The following CCDC136 variants were observed in gnomAD, a reference collection of about 807,000 sequenced individuals.
CCDC136 encodes coiled-coil domain-containing protein 136.
In CCDC136, 100 loss-of-function variants were observed where a neutral mutation model predicts 141.2. The ratio of observed to expected loss-of-function variants is 0.71; its 90% CI spans 0.60 to 0.84. CCDC136 has a LOEUF of 0.84. Among genes scored for constraint, CCDC136 ranks in the 40% least tolerant of loss-of-function variants. The pLI, the probability that CCDC136 is intolerant of heterozygous loss-of-function variation, is 0.00. For synonymous variants in CCDC136, 474 were observed against 531.9 expected (o/e 0.89, Z 1.50); for missense variants, 1,206 against 1,379.4 (o/e 0.87, Z 1.99).
chr7:128,805,820 G>T lies in CCDC136; in HGVS notation c.1008G>T (p.Glu336Asp). The T allele has an allele frequency of 6.2e-7, 1 of 1,613,938 alleles. No homozygotes were observed. Among genetic ancestry groups the T allele is most frequent in the Non-Finnish European group, 8.5e-7 (1 of 1,179,862 alleles). ...AGCATCATCGCCAGGTCAGTGAGGA[G>T]GAGCAGAGGCGGCTGCAGAGGGAGC... ...ELQHHRQVSE[E>D]EQRRLQRELK... is the part of the protein sequence containing the mutation. The change falls in exon 7 of 18, where the codon GAG becomes GAT. Residue 336 changes from glutamate (E) to aspartate (D), a missense_variant. Glu to Asp is a conservative substitution (Grantham distance 45, BLOSUM62 2). Transcript: ENST00000297788. This position sits in a 1 kb window ranked among gnomAD's most constrained non-coding sequence, Gnocchi z 4.6.
At chr7:128,790,803 T>A (rs1010370712), upstream of CCDC136, 1 of 151,770 alleles carries the variant, frequency 6.6e-6, no homozygotes, top group African/African-American at 2.4e-5. The surrounding 1 kb of genome is among the most constrained non-coding windows in gnomAD (Gnocchi z 5.4). Flanking sequence ...GGAGGGCTCC[T>A]CCTAAGAGGG....
chr7:128,808,324 G>T, intron 10 of CCDC136: 1 of 340,478 alleles, frequency 2.9e-6, no homozygotes, highest in Non-Finnish European at 4.2e-6. Flanking sequence ...GGCATGAGCC[G>T]CCATGCCCTG....
rs1802265153 is a variant in CCDC136 at position 128,792,117 on chromosome 7, G to A, written c.-295G>A. ...CAAGCAAGAGGGTCCTGGAACAGCGGGTTCTGAGGAGGCTGGGAGGCAGGG... is the reference window on the plus strand; with the variant it reads ...CAAGCAAGAGGGTCCTGGAACAGCGAGTTCTGAGGAGGCTGGGAGGCAGGG... On this transcript the variant is annotated 5_prime_UTR_variant, in exon 1 of 18. Coordinates refer to ENST00000297788, the MANE Select transcript of CCDC136 (RefSeq NM_022742.5). 7 of 1,402,718 alleles carry A rather than the reference G, an allele frequency of 5.0e-6. No individual in the cohort carries two copies. The highest frequency in any genetic ancestry group is 3.1e-5 in the Admixed American group (1 of 32,742). The allele number at this position is 1,402,718 out of a possible 1,614,324, so 86.9% of individuals were successfully genotyped here.
In CCDC136 at chr7:128,794,692, A is replaced by C; in HGVS notation, c.272-2A>C. ...TTGACACTGGTGCCCCTCTCCCTGC[A>C]GGGCTCCTGGAGGATGAACGGCTAG... On this transcript the variant is annotated splice_acceptor_variant, in intron 2 of 17. Transcript: ENST00000297788. LOFTEE classifies it high-confidence loss of function. The surrounding 1 kb of genome is among the most constrained non-coding windows in gnomAD (Gnocchi z 4.3). 6.4e-7 allele frequency: 1 copy of C among 1,551,206 alleles called. No homozygotes were observed. The highest frequency in any genetic ancestry group is 8.7e-7 in the Non-Finnish European group (1 of 1,146,724).
In CCDC136 at chr7:128,805,363, CAGAG is replaced by C; in HGVS notation, c.790_793del (p.Arg264GlnfsTer11). ...CTCTGCGGTTCTGAATTGCAGGACA[CAGAG>C]AGCAACAGAGAGATGGCTGCAGTCC... On this transcript the variant is annotated frameshift_variant, in exon 6 of 18. Transcript: ENST00000297788. LOFTEE classifies it high-confidence loss of function. The surrounding 1 kb of genome is among the most constrained non-coding windows in gnomAD (Gnocchi z 4.6). The C allele has an allele frequency of 6.2e-7, 1 of 1,613,698 alleles. No individual in the cohort carries two copies. The highest frequency in any genetic ancestry group is 8.5e-7 in the Non-Finnish European group (1 of 1,179,770).
upstream of CCDC136, chr7:128,791,900 A>C: frequency 2.0e-6 from 1 of 489,496 alleles, no homozygotes. The surrounding 1 kb of genome is among the most constrained non-coding windows in gnomAD (Gnocchi z 7.1). Context: ...CAGCGAGAGA[A>C]TGGGAGGAGA....
rs998943869 is a variant in CCDC136, at chr7:128,817,030, G to T, written c.3364-728G>T. 6.6e-6 allele frequency among the ~76,000 whole-genome samples: 1 copy of T among 152,180 alleles called. No individual in the cohort carries two copies. The highest frequency in any genetic ancestry group is 2.4e-5 in the African/African-American group (1 of 41,430). On this transcript the variant is annotated intron_variant, in intron 16 of 17. Coordinates refer to ENST00000297788, the MANE Select transcript of CCDC136 (RefSeq NM_022742.5). The surrounding 1 kb of genome is among the most constrained non-coding windows in gnomAD (Gnocchi z 4.6). ...AGCTCATCATATTCCACCACGTGCTGGTTCAGAGCCTCACAGATGTCTTTA... is the reference window on the plus strand; with the variant it reads ...AGCTCATCATATTCCACCACGTGCTTGTTCAGAGCCTCACAGATGTCTTTA...
rs1802618259 is a variant in CCDC136 at position 128,794,266 on chromosome 7, G to C, written c.17-82G>C. On this transcript the variant is annotated intron_variant, in intron 1 of 17. Transcript: ENST00000297788. This position sits in a 1 kb window ranked among gnomAD's most constrained non-coding sequence, Gnocchi z 4.3. ...GCACTAGTATGTCATCTCTGCCCTG[G>C]CATAGTGAGTTTGAGGGCCCTGGAA... 6.5e-7 allele frequency: 1 copy of C among 1,543,386 alleles called. No individual in the cohort carries two copies. The highest frequency in any genetic ancestry group is 1.4e-5 in the African/African-American group (1 of 72,964).
At position 128,792,202 on chromosome 7, in the gene CCDC136, C is replaced by T; in HGVS notation, c.-210C>T. 1 of 1,481,534 alleles carries T rather than the reference C, an allele frequency of 6.7e-7. No homozygotes were observed. The highest frequency in any genetic ancestry group is 8.9e-7 in the Non-Finnish European group (1 of 1,122,082). The allele number at this position is 1,481,534 out of a possible 1,614,324, so 91.8% of individuals were successfully genotyped here. A position where few individuals can be genotyped will look rare whatever the true frequency, so the allele number is the denominator to read the frequency against. ...CGCCAGAGTGAGTCAGGCACCTCCA[C>T]TGGGATTACAGATCCCAGAGCCTCG... On this transcript the variant is annotated 5_prime_UTR_variant, in exon 1 of 18. Coordinates refer to ENST00000297788, the MANE Select transcript of CCDC136 (RefSeq NM_022742.5).
intron 14 of CCDC136, among the ~76,000 whole-genome samples, chr7:128,813,223 ATCT>A (rs1189803932): frequency 3.9e-5 from 6 of 152,134 alleles, no homozygotes; most frequent in African/African-American, 9.7e-5. Flanking sequence ...GCATTTGCCA[ATCT>A]TCTTTCATCA....
intron 16 of CCDC136, among the ~76,000 whole-genome samples, chr7:128,816,393 G>A (rs1371822319): frequency 6.6e-6 from 1 of 152,186 alleles, no homozygotes; most frequent in Non-Finnish European, 1.5e-5. Context: ...TGTTAGGGGT[G>A]TGTCAGGGGA....
In CCDC136 at chr7:128,814,781, GAAGAGGCCTTCTGTTGTCA is replaced by G. The variant is rs769773017; in HGVS notation, c.2912_2930del (p.Arg971LysfsTer11). 16 of 1,613,396 alleles carry G rather than the reference GAAGAGGCCTTCTGTTGTCA, an allele frequency of 9.9e-6. No individual in the cohort carries two copies. Among genetic ancestry groups the G allele is most frequent in the Non-Finnish European group, 1.4e-5 (16 of 1,179,612 alleles). Reference sequence around the variant, plus strand: ...AGGAGGAGCTCCGCCAGCTCAGGGAGAAGAGGCCTTCTGTTGTCAAAGAAGCCCGGGGGAAGAATGCTAA... The same window carrying G: ...AGGAGGAGCTCCGCCAGCTCAGGGAGAAGAAGCCCGGGGGAAGAATGCTAA... On this transcript the variant is annotated frameshift_variant, in exon 15 of 18. Coordinates refer to ENST00000297788, the MANE Select transcript of CCDC136 (RefSeq NM_022742.5). LOFTEE classifies it high-confidence loss of function.
In CCDC136 at chr7:128,822,013, C is replaced by T. The variant is rs1156916561; in HGVS notation, c.*220C>T. 2 of 1,241,936 alleles carry T rather than the reference C, an allele frequency of 1.6e-6. No individual in the cohort carries two copies. Among genetic ancestry groups the T allele is most frequent in the African/African-American group, 1.5e-5 (1 of 64,786 alleles). The allele number at this position is 1,241,936 out of a possible 1,614,324, so 76.9% of individuals were successfully genotyped here. A position where few individuals can be genotyped will look rare whatever the true frequency, so the allele number is the denominator to read the frequency against. On this transcript the variant is annotated 3_prime_UTR_variant, in exon 18 of 18. Transcript: ENST00000297788. Reference sequence around the variant, plus strand: ...ACCCTCCCCATATGTTCCATGTGTCCCCATCTCCTCAGCCTCAGTCACCCA... The same window carrying T: ...ACCCTCCCCATATGTTCCATGTGTCTCCATCTCCTCAGCCTCAGTCACCCA...
In CCDC136 at chr7:128,797,921, A is replaced by ATTT. The variant is rs758979251; in HGVS notation, c.346+3165_346+3167dup. On this transcript the variant is annotated intron_variant, in intron 3 of 17. Transcript: ENST00000297788. ...GAACTACCTGGGAAAATAGGGTTCT[A>ATTT]TTTTTTTTTTTTTTGAGACGGAGTC... 3.3e-3 allele frequency among the ~76,000 whole-genome samples: 465 copies of ATTT among 139,640 alleles called. 1 individual carries two copies. The highest frequency in any genetic ancestry group is 0.011 in the African/African-American group (410 of 38,568). 91.6% of individuals were successfully genotyped at this position (139,640 alleles called of 152,430 possible).
In CCDC136 at chr7:128,801,520, C is replaced by T. The variant is rs1804019840; in HGVS notation, c.670+11C>T. On this transcript the variant is annotated intron_variant, in intron 4 of 17. Transcript: ENST00000297788. ...ACTCTGGGTTACAAGGTATGAGAGC[C>T]ATCAAGTGGGTCAGTAAAGTCAAGC... is the stretch of plus-strand genomic sequence containing the variant. The T allele has an allele frequency of 6.4e-7, 1 of 1,569,830 alleles. No homozygotes were observed. Among genetic ancestry groups the T allele is most frequent in the African/African-American group, 1.4e-5 (1 of 73,824 alleles).
At chr7:128,820,712 C>T (rs1215495358) in intron 17 of CCDC136, among the ~76,000 whole-genome samples, 4 of 152,202 alleles carry the variant, frequency 2.6e-5, no homozygotes, top group African/African-American at 9.6e-5. Flanking sequence ...GATCCTCCTC[C>T]CTCAGCCTCC....
rs1439021420 is a variant in CCDC136, at chr7:128,812,041, A to G, written c.2270A>G (p.Asn757Ser). 1.9e-6 allele frequency: 3 copies of G among 1,613,888 alleles called. No homozygotes were observed. Among genetic ancestry groups the G allele is most frequent in the Admixed American group, 1.7e-5 (1 of 60,002 alleles). ...GGTAGCATGGTCCCCAGCAATGAGA[A>G]CTGTCGCAAGACTTATGATACCACT... ...SYGSMVPSNE[N>S]CRKTYDTTVD... The change falls in exon 13 of 18, where the codon AAC (asparagine) becomes AGC (serine). Residue 757 changes from asparagine (N) to serine (S), a missense_variant. By Grantham distance (46) the Asn-to-Ser change is conservative (BLOSUM62 1). Transcript: ENST00000297788.
chr7:128,812,903 A>AT lies in CCDC136; in HGVS notation c.2738dup (p.Met913IlefsTer9). ...GTGCATGGAATGCCTTGAAAAGCCC[A>AT]TGGCCCCCCAGAACGACAAGAATGA... On this transcript the variant is annotated frameshift_variant, in exon 14 of 18. Coordinates refer to ENST00000297788, the MANE Select transcript of CCDC136 (RefSeq NM_022742.5). LOFTEE classifies it high-confidence loss of function. The AT allele has an allele frequency of 6.2e-7, 1 of 1,610,180 alleles. No homozygotes were observed. The highest frequency in any genetic ancestry group is 8.5e-7 in the Non-Finnish European group (1 of 1,178,220).
intron 12 of CCDC136, among the ~76,000 whole-genome samples, chr7:128,810,859 G>A (rs879815377): frequency 6.6e-6 from 1 of 152,158 alleles, no homozygotes; most frequent in African/African-American, 2.4e-5. Context: ...AGAATTCCTA[G>A]CATATGGGGT....
Sources: allele counts gnomAD v4.1 joint callset (sites outside exome capture counted in the v4.1 genomes callset), GRCh38; gene constraint gnomAD v4.1.1; non-coding constraint Gnocchi (gnomAD v3.1); transcripts MANE v1.5; gene names NCBI Gene and HGNC (gene_info 2026-07-23, HGNC 2026-07-21).